The following FCHO2 variants were observed in gnomAD, a reference collection of about 807,000 sequenced individuals.
The protein encoded by FCHO2 is F-BAR domain only protein 2.
A neutral mutation model predicts 114.1 loss-of-function variants in FCHO2; 43 were observed. That is an observed-to-expected ratio of 0.38 (90% CI 0.30 to 0.49). The LOEUF is 0.49. Among genes scored for constraint, FCHO2 ranks in the 20% least tolerant of loss-of-function variants. The pLI, the probability that FCHO2 is intolerant of heterozygous loss-of-function variation, is 0.97. For missense variants in FCHO2, 807 were observed against 950.4 expected (o/e 0.85, Z 1.98); for synonymous variants, 293 against 315.2 (o/e 0.93, Z 0.75).
intron 23 of FCHO2, 23 bp from the exon 24 acceptor site, chr5:73,082,738 G>A: frequency 6.3e-7 from 1 of 1,589,784 alleles, no homozygotes; most frequent in Non-Finnish European, 8.6e-7. Flanking sequence ...CACAAAACCT[G>A]AAGATATCTG....
At position 73,088,665 on chromosome 5, in the gene FCHO2, T is replaced by TC. The variant is rs1743388817; in HGVS notation, c.*575_*576insC. On this transcript the variant is annotated 3_prime_UTR_variant, in exon 26 of 26. Coordinates refer to ENST00000430046, the MANE Select transcript of FCHO2 (RefSeq NM_138782.3). ...GATTCTCATAAACATATTAATAAAGTATAAGTGATGTTTTATATGATTTTT... is the reference window on the plus strand; with the variant it reads ...GATTCTCATAAACATATTAATAAAGTCATAAGTGATGTTTTATATGATTTTT... The TC allele has an allele frequency of 6.5e-6, 1 of 152,674 alleles. No homozygotes were observed. Among genetic ancestry groups the TC allele is most frequent in the African/African-American group, 2.4e-5 (1 of 41,448 alleles). 9.5% of individuals were successfully genotyped at this position (152,674 alleles called of 1,614,324 possible). A position where few individuals can be genotyped will look rare whatever the true frequency, so the allele number is the denominator to read the frequency against.
intron 11 of FCHO2, among the ~76,000 whole-genome samples, chr5:73,044,010 G>A (rs372121249): frequency 5.9e-5 from 9 of 152,110 alleles, no homozygotes; most frequent in African/African-American, 1.2e-4. Flanking sequence ...TCTCCCCCTC[G>A]CTGTTCTCGT....
intron 1 of FCHO2, among the ~76,000 whole-genome samples, chr5:72,963,902 G>GTTTTTTTTTTTT (rs70973214): frequency 3.1e-5 from 3 of 95,694 alleles, no homozygotes; most frequent in Admixed American, 1.5e-4. Context: ...GGAACTTTCA[G>GTTTTTTTTTTTT]TTTTTTTTTT....
chr5:73,000,953 G>C (rs1326343249), intron 5 of FCHO2, among the ~76,000 whole-genome samples: 2 of 148,518 alleles, frequency 1.3e-5, no homozygotes, highest in Non-Finnish European at 3.0e-5. Context: ...ACTTTTTTAT[G>C]ATGAGGCCAT....
At chr5:73,016,647 T>A (rs1755321105) in intron 7 of FCHO2, among the ~76,000 whole-genome samples, 1 of 87,346 alleles carries the variant, frequency 1.1e-5, no homozygotes. Flanking sequence ...GATTTTAAAT[T>A]GTTTAAATAT....
At chr5:73,068,567 T>G in intron 18 of FCHO2, 83 bp from the exon 19 acceptor site, 1 of 1,493,616 alleles carries the variant, frequency 6.7e-7, no homozygotes, top group Non-Finnish European at 9.0e-7. Context: ...TTTGGTATGT[T>G]AAATTTACCT....
At chr5:72,976,194 A>G (rs965203432) in intron 2 of FCHO2, among the ~76,000 whole-genome samples, 1 of 152,066 alleles carries the variant, frequency 6.6e-6, no homozygotes, top group African/African-American at 2.4e-5. Flanking sequence ...GTATCTTATC[A>G]TTGTTTTAAT....
Position 73,078,284 on chromosome 5 carries a change from A to G in FCHO2, c.1952A>G (p.Tyr651Cys). The G allele has an allele frequency of 6.2e-7, 1 of 1,602,802 alleles. No individual in the cohort carries two copies. Among genetic ancestry groups the G allele is most frequent in the Non-Finnish European group, 8.5e-7 (1 of 1,174,746 alleles). ...KLSEQNPAASYYNVDVLKYQV... is the reference protein window; with the variant it reads ...KLSEQNPAASCYNVDVLKYQV... The stretch of plus-strand genomic sequence containing the variant: ...TCAGAGCAAAATCCAGCTGCTTCTT[A>G]TTATAATGTAGATGTATTAAAGTAT... Residue 651 changes from tyrosine to cysteine, a missense_variant, in exon 22 of 26, where the codon TAT (tyrosine) becomes TGT (cysteine). Transcript: ENST00000430046.
chr5:72,982,653 GAT>G (rs1456838871), intron 2 of FCHO2, among the ~76,000 whole-genome samples: 1 of 152,126 alleles, frequency 6.6e-6, no homozygotes, highest in Non-Finnish European at 1.5e-5. Context: ...AGTGCCTTTA[GAT>G]ATTGGAATGC....
chr5:73,083,672 A>C (rs915412580), intron 24 of FCHO2, among the ~76,000 whole-genome samples: 1 of 152,148 alleles, frequency 6.6e-6, no homozygotes, highest in African/African-American at 2.4e-5. Flanking sequence ...TGGGTGGATC[A>C]CTTGAAGTCA....
intron 1 of FCHO2, 100 bp from the exon 2 acceptor site, chr5:72,968,398 C>T: frequency 1.3e-6 from 1 of 745,184 alleles, no homozygotes; most frequent in South Asian, 2.4e-5. Context: ...AAACACCTCA[C>T]CTGAGCACAG....
rs1755266894 is a variant in FCHO2 at position 73,015,622 on chromosome 5, C to T, written c.601-4C>T. 2 of 1,510,226 alleles carry T rather than the reference C, an allele frequency of 1.3e-6. No homozygotes were observed. Among genetic ancestry groups the T allele is most frequent in the East Asian group, 2.4e-5 (1 of 41,994 alleles). 93.6% of individuals were successfully genotyped at this position (1,510,226 alleles called of 1,614,324 possible). On this transcript the variant is annotated splice_polypyrimidine_tract_variant and splice_region_variant and intron_variant, in intron 6 of 25. Transcript: ENST00000430046. ...AAATCTATAACTTTGTATATGTTACCCAGAAATTTCAAGATATTGAAGAAA... is the reference window on the plus strand; with the variant it reads ...AAATCTATAACTTTGTATATGTTACTCAGAAATTTCAAGATATTGAAGAAA...
intron 5 of FCHO2, among the ~76,000 whole-genome samples, chr5:72,995,348 C>G (rs979013631): frequency 6.6e-6 from 1 of 151,802 alleles, no homozygotes; most frequent in East Asian, 1.9e-4. Flanking sequence ...CTCCGCCTCC[C>G]GAGTTCAAGC....
At chr5:73,083,329 A>G (rs1743186002) in intron 24 of FCHO2, among the ~76,000 whole-genome samples, 1 of 152,218 alleles carries the variant, frequency 6.6e-6, no homozygotes. Flanking sequence ...GCTGAGATTC[A>G]GAACACATTT....
chr5:72,988,051 G>A (rs1753629018), intron 2 of FCHO2, among the ~76,000 whole-genome samples: 1 of 152,132 alleles, frequency 6.6e-6, no homozygotes, highest in African/African-American at 2.4e-5. Context: ...AGTAAATGGA[G>A]GGATGATGGT....
intron 1 of FCHO2, 105 bp downstream of exon 1, chr5:72,956,234 G>C (rs1167332026): frequency 2.7e-5 from 39 of 1,450,444 alleles, no homozygotes; most frequent in Non-Finnish European, 3.5e-5. Context: ...CCTCCGGCAG[G>C]GCGAGCGTCC....
chr5:73,027,286 G>C (rs1755989275), intron 8 of FCHO2, among the ~76,000 whole-genome samples: 2 of 150,350 alleles, frequency 1.3e-5, no homozygotes, highest in Non-Finnish European at 3.0e-5. Flanking sequence ...TTTACTTTAT[G>C]CTATTTATAA....
At chr5:73,015,130 A>G (rs1274497309) in intron 6 of FCHO2, among the ~76,000 whole-genome samples, 1 of 151,692 alleles carries the variant, frequency 6.6e-6, no homozygotes, top group Non-Finnish European at 1.5e-5. Context: ...GTATTTACCT[A>G]AGAAATGACA....
chr5:73,088,353 G>C lies in FCHO2; in HGVS notation c.*263G>C. On this transcript the variant is annotated 3_prime_UTR_variant, in exon 26 of 26. Coordinates refer to ENST00000430046, the MANE Select transcript of FCHO2 (RefSeq NM_138782.3). The stretch of plus-strand genomic sequence containing the variant: ...TCTCAGTAAAAATGAAGTTTTTGTA[G>C]GATTAATTTTTAAATTATTTCCAGT... 2.2e-6 allele frequency: 1 copy of C among 444,902 alleles called. No individual in the cohort carries two copies. The highest frequency in any genetic ancestry group is 4.0e-6 in the Non-Finnish European group (1 of 249,884). The allele number at this position is 444,902 out of a possible 1,614,324, so 27.6% of individuals were successfully genotyped here.
Sources: allele counts gnomAD v4.1 joint callset (sites outside exome capture counted in the v4.1 genomes callset), GRCh38; gene constraint gnomAD v4.1.1; transcripts MANE v1.5; gene names NCBI Gene and HGNC (gene_info 2026-07-23, HGNC 2026-07-21).